The following CLVS1 variants were observed in gnomAD, a reference collection of about 807,000 sequenced individuals.
CLVS1 encodes the protein clavesin-1.
CLVS1 carries 10 observed loss-of-function variants against 33.1 expected under a neutral mutation model. The ratio of observed to expected loss-of-function variants is 0.30; its 90% CI spans 0.19 to 0.51. The LOEUF (loss-of-function observed/expected upper bound fraction) is 0.51. Ranked by LOEUF, CLVS1 falls within the 20% of genes least tolerant of loss-of-function variation. The pLI, the probability that CLVS1 is intolerant of heterozygous loss-of-function variation, is 0.97. For synonymous variants in CLVS1, 163 were observed against 166.1 expected, an observed-to-expected ratio of 0.98 and a Z score of 0.14; for missense variants, 343 against 433.4, an observed-to-expected ratio of 0.79 and a Z score of 1.85.
intron 2 of CLVS1, among the ~76,000 whole-genome samples, chr8:61,362,081 C>G (rs1813002741): frequency 6.6e-6 from 1 of 152,126 alleles, no homozygotes; most frequent in African/African-American, 2.4e-5. Context: ...TAGCAGAGTT[C>G]TTTGCTAAAA....
chr8:61,114,001 G>A (rs1050168687), intron 1 of CLVS1, among the ~76,000 whole-genome samples: 5 of 152,162 alleles, frequency 3.3e-5, no homozygotes, highest in Non-Finnish European at 5.9e-5. Context: ...AATACTTTAG[G>A]CCTTGTGGCC....
intron 1 of CLVS1, among the ~76,000 whole-genome samples, chr8:61,293,964 C>A (rs1240949556): frequency 6.6e-6 from 1 of 152,104 alleles, no homozygotes; most frequent in Non-Finnish European, 1.5e-5. Flanking sequence ...AGAAGCCATG[C>A]AAATTTGAAG....
At chr8:61,280,944 T>C (rs1585745225) in intron 2 of CLVS1, among the ~76,000 whole-genome samples, 1 of 152,204 alleles carries the variant, frequency 6.6e-6, no homozygotes, top group African/African-American at 2.4e-5. Context: ...AACTTATTAA[T>C]GTGCACATAC....
the CLVS1 span, among the ~76,000 whole-genome samples, chr8:61,041,418 G>A: frequency 6.6e-6 from 1 of 152,124 alleles, no homozygotes; most frequent in Non-Finnish European, 1.5e-5. Flanking sequence ...ATTGTTTTGA[G>A]CAGTATGACC....
chr8:61,130,152 T>G (rs1385102024), intron 1 of CLVS1, among the ~76,000 whole-genome samples: 1 of 151,896 alleles, frequency 6.6e-6, no homozygotes, highest in Non-Finnish European at 1.5e-5. Flanking sequence ...GCAGGAGAAT[T>G]GCTTGAGCCT....
At chr8:61,338,001 C>T (rs529837606) in intron 2 of CLVS1, among the ~76,000 whole-genome samples, 2 of 152,198 alleles carry the variant, frequency 1.3e-5, no homozygotes, top group Admixed American at 6.5e-5. Flanking sequence ...ATGATCTCCT[C>T]GCTTCCAGAC....
At chr8:61,412,345 C>A (rs1563541739) in intron 3 of CLVS1, among the ~76,000 whole-genome samples, 1 of 151,946 alleles carries the variant, frequency 6.6e-6, no homozygotes, top group Non-Finnish European at 1.5e-5. Flanking sequence ...AAAGCAAAAA[C>A]AAAGTACTGT....
intron 3 of CLVS1, among the ~76,000 whole-genome samples, chr8:61,438,727 G>A (rs1309502260): frequency 6.6e-6 from 1 of 152,162 alleles, no homozygotes; most frequent in Non-Finnish European, 1.5e-5. Flanking sequence ...CATTCTGACT[G>A]ACATGAGATG....
At chr8:61,147,066 C>T (rs572712962) in intron 2 of CLVS1, among the ~76,000 whole-genome samples, 14 of 152,248 alleles carry the variant, frequency 9.2e-5, no homozygotes, top group African/African-American at 3.1e-4. Context: ...CAAAGAGCAG[C>T]TGAAATAGGA....
At chr8:61,177,010 G>A (rs1807125481) in intron 2 of CLVS1, among the ~76,000 whole-genome samples, 1 of 152,100 alleles carries the variant, frequency 6.6e-6, no homozygotes, top group Non-Finnish European at 1.5e-5. Context: ...AGTTCCTTGC[G>A]GGAGGTGTGG....
chr8:61,106,532 G>A lies in CLVS1; in HGVS notation c.-242-25238G>A, dbSNP rs114766924. On this transcript the variant is annotated intron_variant, in intron 1 of 2. Transcript: ENST00000522621. ...ATAAGGTGTAGGAGGATTAGAGAGA[G>A]GAAAATGAGCACGGAGTCCGGGCCT... is the stretch of plus-strand genomic sequence containing the variant. Among the ~76,000 whole-genome samples, 741 of 152,354 alleles carry A rather than the reference G, an allele frequency of 4.9e-3. 10 individuals are homozygous for A. Among genetic ancestry groups the A allele is most frequent in the African/African-American group, 0.017 (704 of 41,580 alleles).
At chr8:61,136,693 A>G (rs1806196767) in intron 2 of CLVS1, among the ~76,000 whole-genome samples, 1 of 152,148 alleles carries the variant, frequency 6.6e-6, no homozygotes, top group Admixed American at 6.5e-5. Context: ...TGGAGGGTGG[A>G]GTGTGGGAGG....
At chr8:60,973,808 G>A in the CLVS1 span, among the ~76,000 whole-genome samples, 2 of 152,210 alleles carry the variant, frequency 1.3e-5, no homozygotes, top group South Asian at 4.1e-4. Flanking sequence ...ATCTTACTGG[G>A]AAGCTGCTGA....
At chr8:61,066,108 G>A (rs142061423) in intron 1 of CLVS1, among the ~76,000 whole-genome samples, 2 of 152,152 alleles carry the variant, frequency 1.3e-5, no homozygotes, top group East Asian at 3.8e-4. Context: ...AGGACGTAAG[G>A]GGGTAAAAGT....
At chr8:61,330,169 C>T (rs1193423246) in intron 2 of CLVS1, among the ~76,000 whole-genome samples, 1 of 152,108 alleles carries the variant, frequency 6.6e-6, no homozygotes, top group Non-Finnish European at 1.5e-5. Context: ...TCTGTGTGTA[C>T]CATCTCCAAG....
intron 1 of CLVS1, among the ~76,000 whole-genome samples, chr8:61,092,225 T>A (rs1359208655): frequency 6.6e-6 from 1 of 152,224 alleles, no homozygotes; most frequent in African/African-American, 2.4e-5. Flanking sequence ...TAATTACCAG[T>A]TGGTGTTTAT....
chr8:61,227,336 G>C (rs1470142632), intron 2 of CLVS1, among the ~76,000 whole-genome samples: 1 of 147,414 alleles, frequency 6.8e-6, no homozygotes, highest in Non-Finnish European at 1.5e-5. Flanking sequence ...TAATATTTCT[G>C]ATCAGGTACA....
chr8:61,459,534 T>C (rs996614917), intron 5 of CLVS1, among the ~76,000 whole-genome samples: 2 of 143,928 alleles, frequency 1.4e-5, no homozygotes, highest in Non-Finnish European at 3.1e-5. Context: ...CCAAAGTCCA[T>C]TGTATTCTTA....
rs1384065434 is a variant in CLVS1, at chr8:61,393,608, T to C, written c.630+16829T>C. 3.3e-5 allele frequency among the ~76,000 whole-genome samples: 5 copies of C among 152,210 alleles called. No individual in the cohort carries two copies. The South Asian group carries it at 8.3e-4, about 25-fold the overall frequency. On this transcript the variant is annotated intron_variant, in intron 3 of 5. Transcript: ENST00000325897. ...TTTCCCATGGGGTGATCCCTTGATA[T>C]TGTGCCCTTTCATTTCCCCTAGGGA...
Sources: allele counts gnomAD v4.1 joint callset (sites outside exome capture counted in the v4.1 genomes callset), GRCh38; gene constraint gnomAD v4.1.1; transcripts MANE v1.5; gene names NCBI Gene and HGNC (gene_info 2026-07-23, HGNC 2026-07-21).